The following GAS6 variants were observed in gnomAD, a reference collection of about 807,000 sequenced individuals.
GAS6 encodes growth arrest-specific protein 6.
In GAS6, 41 loss-of-function variants were observed where a neutral mutation model predicts 75.8. That is an observed-to-expected ratio of 0.54 (90% CI 0.42 to 0.70). The LOEUF (loss-of-function observed/expected upper bound fraction) is 0.70. Among genes scored for constraint, GAS6 ranks in the 30% least tolerant of loss-of-function variants. GAS6 has a pLI of 0.00. For missense variants in GAS6, 854 were observed against 940.2 expected, an observed-to-expected ratio of 0.91 and a Z score of 1.20; for synonymous variants, 432 against 412.6, an observed-to-expected ratio of 1.05 and a Z score of -0.57.
rs963784069 is a variant in GAS6 at position 113,839,749 on chromosome 13, C to T, written c.445G>A (p.Gly149Arg). Residue 149 changes from glycine to arginine, a missense_variant, in exon 5 of 15, where the codon GGG (glycine) becomes AGG (arginine). Gly to Arg is a moderately radical substitution (Grantham distance 125, BLOSUM62 -2). Transcript: ENST00000327773. ...NFFCLCKAGW[G>R]GRLCDKDVNE... ...GTACCTTTGTCGCAGAGCCGGCCCC[C>T]CCAGCCAGCTTTACACAGGCAGAAG... The T allele has an allele frequency of 6.8e-6, 11 of 1,613,966 alleles. No homozygotes were observed. Among genetic ancestry groups the T allele is most frequent in the Admixed American group, 5.0e-5 (3 of 60,018 alleles).
At chr13:113,824,726 A>T (rs2051512089) in intron 12 of GAS6, among the ~76,000 whole-genome samples, 2 of 151,798 alleles carry the variant, frequency 1.3e-5, no homozygotes, top group African/African-American at 4.9e-5. Flanking sequence ...GTACGCCTGA[A>T]ACCCACATCG....
chr13:113,837,984 G>A lies in GAS6; in HGVS notation c.589+85C>T. ...CAGAACCACAGGAACCCAGCCAGCAGCAGCCGCTTGCAGAAGAGCAGACAT... is the reference window on the plus strand; with the variant it reads ...CAGAACCACAGGAACCCAGCCAGCAACAGCCGCTTGCAGAAGAGCAGACAT... On this transcript the variant is annotated intron_variant, in intron 6 of 14. Coordinates refer to ENST00000327773, the MANE Select transcript of GAS6 (RefSeq NM_000820.4). The surrounding 1 kb of genome is among the most constrained non-coding windows in gnomAD (Gnocchi z 5.1). 1.3e-6 allele frequency: 2 copies of A among 1,534,548 alleles called. No individual in the cohort carries two copies. The highest frequency in any genetic ancestry group is 1.8e-6 in the Non-Finnish European group (2 of 1,130,206).
At chr13:113,853,833 T>C (rs2051893969) in intron 2 of GAS6, among the ~76,000 whole-genome samples, 1 of 152,248 alleles carries the variant, frequency 6.6e-6, no homozygotes, top group Non-Finnish European at 1.5e-5. Flanking sequence ...ACCCTTGGCC[T>C]GGCAGCCCGG....
chr13:113,845,804 A>G lies in GAS6; in HGVS notation c.343+723T>C, dbSNP rs1408827787. The stretch of plus-strand genomic sequence containing the variant: ...CATTTCTCGCCTGTTACATTGGAAG[A>G]GATCAAAAGTTTAAAAAAACAGTTC... On this transcript the variant is annotated intron_variant, in intron 4 of 14. Transcript: ENST00000327773. The surrounding 1 kb of genome is among the most constrained non-coding windows in gnomAD (Gnocchi z 4.3). 2.0e-5 allele frequency: 3 copies of G among 151,482 alleles called. No individual in the cohort carries two copies. The highest frequency in any genetic ancestry group is 4.8e-5 in the African/African-American group (2 of 41,246). The allele number at this position is 151,482 out of a possible 1,614,324, so 9.4% of individuals were successfully genotyped here. A position where few individuals can be genotyped will look rare whatever the true frequency, so the allele number is the denominator to read the frequency against.
chr13:113,820,939 G>C lies in GAS6; in HGVS notation c.1962C>G (p.Asp654Glu), dbSNP rs1340051430. The C allele has an allele frequency of 6.2e-7, 1 of 1,612,666 alleles. No individual in the cohort carries two copies. Among genetic ancestry groups the C allele is most frequent in the Non-Finnish European group, 8.5e-7 (1 of 1,179,900 alleles). Residue 654 changes from aspartate to glutamate, a missense_variant, in exon 15 of 15, where the codon GAC (aspartate) becomes GAG (glutamate). By Grantham distance (45) the Asp-to-Glu change is conservative (BLOSUM62 2). Transcript: ENST00000327773. ...TGTGCTTGTACGCCGCCTCGTCCAG[G>C]TCCAGCAGCCTCCGGTTGACCTCCA... ...MTLEVNRRLL[D>E]LDEAAYKHSD...
intron 7 of GAS6, among the ~76,000 whole-genome samples, chr13:113,835,146 G>C (rs1013248107): frequency 3.9e-5 from 6 of 152,148 alleles, no homozygotes; most frequent in Admixed American, 1.3e-4. Flanking sequence ...GAGGCTCTAC[G>C]GCCAACAGGG....
chr13:113,821,084 AC>A, intron 14 of GAS6, 66 bp from the exon 15 acceptor site: 2 of 1,540,806 alleles, frequency 1.3e-6, no homozygotes, highest in East Asian at 2.3e-5. Flanking sequence ...TGGCCCCCCC[AC>A]CCCCGGCAGC....
intron 11 of GAS6, 147 bp from the exon 12 acceptor site, chr13:113,827,311 CAGA>C (rs2051563548): frequency 2.8e-6 from 2 of 726,682 alleles, no homozygotes; most frequent in African/African-American, 1.8e-5. Context: ...GGCCATTTCA[CAGA>C]AGGTTTCTTC....
chr13:113,853,003 CT>C (rs1410864883), intron 2 of GAS6, among the ~76,000 whole-genome samples: 2 of 152,180 alleles, frequency 1.3e-5, no homozygotes, highest in African/African-American at 4.8e-5. Flanking sequence ...GACTCTTCCC[CT>C]AGGCCTGCTC....
chr13:113,855,059 A>G (rs182761684), intron 2 of GAS6, among the ~76,000 whole-genome samples: 4 of 152,378 alleles, frequency 2.6e-5, no homozygotes, highest in Admixed American at 2.6e-4. Context: ...TGCTTTGGGA[A>G]AAACAAGACA....
At chr13:113,843,048 T>G in intron 4 of GAS6, 1 of 391,638 alleles carries the variant, frequency 2.6e-6, no homozygotes, top group African/African-American at 2.1e-5. Context: ...ACCTGAGGGG[T>G]GGACAGTCAG....
Position 113,864,047 on chromosome 13 carries a change from G to A in GAS6, c.-127C>T. 2.0e-5 allele frequency: 19 copies of A among 941,502 alleles called. No homozygotes were observed. The highest frequency in any genetic ancestry group is 2.4e-5 in the Non-Finnish European group (19 of 786,716). 58.3% of individuals were successfully genotyped at this position (941,502 alleles called of 1,614,324 possible). ...GTCACATCGCGGCGGCGGCGGCGGC[G>A]GCGGCTGCGGCACCTCAAGCGCTCG... On this transcript the variant is annotated 5_prime_UTR_variant, in exon 1 of 15. Transcript: ENST00000327773.
intron 2 of GAS6, among the ~76,000 whole-genome samples, chr13:113,859,843 G>T (rs1389871415): frequency 2.0e-5 from 3 of 152,048 alleles, no homozygotes; most frequent in Non-Finnish European, 4.4e-5. Flanking sequence ...CCCACCAGGC[G>T]CCCCCACATT....
At chr13:113,834,875 C>G (rs1472881987) in intron 7 of GAS6, 10 of 453,848 alleles carry the variant, frequency 2.2e-5, no homozygotes, top group Non-Finnish European at 3.3e-5. Context: ...CGGGCTCTTT[C>G]TTGAGGGAAT....
chr13:113,824,287 C>T (rs1221761959), intron 12 of GAS6, among the ~76,000 whole-genome samples: 7 of 99,232 alleles, frequency 7.1e-5, no homozygotes, highest in African/African-American at 1.9e-4. Context: ...GTCGGGAGCA[C>T]GCGCGGTCTG....
Position 113,828,625 on chromosome 13 carries a change from G to C in GAS6, c.1230C>G (p.Phe410Leu), listed in dbSNP as rs984375367. 6.2e-7 allele frequency: 1 copy of C among 1,613,598 alleles called. No individual in the cohort carries two copies. Among genetic ancestry groups the C allele is most frequent in the East Asian group, 2.2e-5 (1 of 44,894 alleles). ...GATGATACAGTCCTCGCTCCGGTTG[G>C]AACAAGTCCCCGGCCACCGCGATTT... ...VMKIAVAGDL[F>L]QPERGLYHLN... The change falls in exon 11 of 15, where the codon TTC (phenylalanine) becomes TTG (leucine). Residue 410 changes from phenylalanine (F) to leucine (L), a missense_variant. By Grantham distance (22) the Phe-to-Leu change is conservative (BLOSUM62 0). Transcript: ENST00000327773.
At chr13:113,825,230 G>A (rs1443075809) in intron 12 of GAS6, among the ~76,000 whole-genome samples, 21 of 86,644 alleles carry the variant, frequency 2.4e-4, no homozygotes, top group Admixed American at 1.4e-3. Flanking sequence ...GCGAAACTCC[G>A]TCTCAAAAAA....
At chr13:113,821,903 A>G in intron 14 of GAS6, 55 bp downstream of exon 14, 1 of 1,402,508 alleles carries the variant, frequency 7.1e-7, no homozygotes, top group East Asian at 2.5e-5. Context: ...GGGGTGACCA[A>G]GCTGGGCCTC....
chr13:113,838,417 C>T (rs1193693939), intron 5 of GAS6, among the ~76,000 whole-genome samples: 8 of 124,828 alleles, frequency 6.4e-5, no homozygotes, highest in African/African-American at 2.5e-4. Context: ...GAGGAAGGGA[C>T]CCCGGGGGTG....
Sources: allele counts gnomAD v4.1 joint callset (sites outside exome capture counted in the v4.1 genomes callset), GRCh38; gene constraint gnomAD v4.1.1; non-coding constraint Gnocchi (gnomAD v3.1); transcripts MANE v1.5; gene names NCBI Gene and HGNC (gene_info 2026-07-23, HGNC 2026-07-21).